MYO18A: variants seen among roughly 807,000 people sequenced by gnomAD.
MYO18A encodes unconventional myosin-XVIIIa.
MYO18A carries 78 observed loss-of-function variants against 235.8 expected under a neutral mutation model. That is an observed-to-expected ratio of 0.33 (90% CI 0.28 to 0.40). MYO18A has a LOEUF of 0.40. MYO18A is among the 10% of genes least tolerant of loss of function. MYO18A has a pLI of 1.00. For missense variants in MYO18A, 2,215 were observed against 2,699.3 expected (o/e 0.82, Z 3.98); for synonymous variants, 977 against 1,077.8 (o/e 0.91, Z 1.83).
intron 1 of MYO18A, among the ~76,000 whole-genome samples, chr17:29,175,045 T>C (rs911338954): frequency 1.3e-5 from 2 of 152,164 alleles, no homozygotes; most frequent in African/African-American, 4.8e-5. Context: ...GTAGGAAAAA[T>C]ATATGCTCTG....
At chr17:29,161,950 C>T (rs1473568012) in intron 2 of MYO18A, among the ~76,000 whole-genome samples, 1 of 152,206 alleles carries the variant, frequency 6.6e-6, no homozygotes, top group Non-Finnish European at 1.5e-5. Context: ...ATACAGATGC[C>T]CCCCAAGAAC....
chr17:29,167,039 CAGAG>C lies in MYO18A; in HGVS notation c.-81-22_-81-19del. ...CTTTGCTGCTGCAAACAGAAACACA[CAGAG>C]AGAAAGGTTATTCGAACAGAGCCTC... is the stretch of plus-strand genomic sequence containing the variant. On this transcript the variant is annotated intron_variant, in intron 1 of 41. Coordinates refer to ENST00000527372, the MANE Select transcript of MYO18A (RefSeq NM_078471.4). The C allele has an allele frequency of 7.0e-7, 1 of 1,437,336 alleles. No homozygotes were observed. Among genetic ancestry groups the C allele is most frequent in the Non-Finnish European group, 9.1e-7 (1 of 1,093,258 alleles). The allele number at this position is 1,437,336 out of a possible 1,614,324, so 89.0% of individuals were successfully genotyped here.
rs184803151 is a variant in MYO18A, at chr17:29,087,045, C to A, written c.5603G>T (p.Arg1868Leu). ...ERDQRIAAEN[R>L]EKEQNKRLQR... ...TAGCCGCTTGTTCTGTTCCTTCTCC[C>A]GGTTCTCGGCTGCAATGCGCTGATC... The change falls in exon 38 of 42, where the codon CGG (arginine) becomes CTG (leucine). Residue 1868 changes from arginine (R) to leucine (L), a missense_variant. By Grantham distance (102) the Arg-to-Leu change is moderately radical. Coordinates refer to ENST00000527372, the MANE Select transcript of MYO18A (RefSeq NM_078471.4). The A allele has an allele frequency of 6.8e-6, 11 of 1,613,902 alleles. No individual in the cohort carries two copies. Among genetic ancestry groups the A allele is most frequent in the Non-Finnish European group, 8.5e-6 (10 of 1,179,902 alleles).
chr17:29,093,899 G>A lies in MYO18A; in HGVS notation c.4821+81C>T. 4 of 978,652 alleles carry A rather than the reference G, an allele frequency of 4.1e-6. No individual in the cohort carries two copies. The South Asian group carries it at 6.1e-5, about 15-fold the overall frequency. 60.6% of individuals were successfully genotyped at this position (978,652 alleles called of 1,614,324 possible). On this transcript the variant is annotated intron_variant, in intron 31 of 41. Coordinates refer to ENST00000527372, the MANE Select transcript of MYO18A (RefSeq NM_078471.4). ...AATGGAAGACGATGTGGCTGAGGTA[G>A]GGAGGTGGAAAGCCCCTTACTTTAA... is the stretch of plus-strand genomic sequence containing the variant.
chr17:29,143,118 A>G (rs541772110), intron 2 of MYO18A, among the ~76,000 whole-genome samples: 135 of 151,848 alleles, frequency 8.9e-4, no homozygotes, highest in African/African-American at 3.0e-3. Flanking sequence ...TCTGTGCTTC[A>G]ATTTCTTCAT....
chr17:29,173,093 C>T (rs1030687232), intron 1 of MYO18A, among the ~76,000 whole-genome samples: 9 of 124,096 alleles, frequency 7.3e-5, no homozygotes, highest in Admixed American at 2.4e-4. Context: ...TGGTTTTTGC[C>T]GTTACTTTTT....
chr17:29,081,641 G>A (rs1343261796), intron 41 of MYO18A, among the ~76,000 whole-genome samples: 2 of 147,344 alleles, frequency 1.4e-5, no homozygotes, highest in Non-Finnish European at 3.0e-5. Flanking sequence ...TTTGTGGGGG[G>A]TGAGGGGGGA....
Position 29,121,757 on chromosome 17 carries a change from C to G in MYO18A, c.1195-34G>C. ...GAGGACAGGCGGGTGGGTATTAGAG[C>G]AGCAGAGCCCATCTCCGCTGCCAGA... On this transcript the variant is annotated intron_variant, in intron 4 of 41. Transcript: ENST00000527372. This position sits in a 1 kb window ranked among gnomAD's most constrained non-coding sequence, Gnocchi z 4.2. The G allele has an allele frequency of 6.3e-7, 1 of 1,586,776 alleles. No individual in the cohort carries two copies. The highest frequency in any genetic ancestry group is 8.6e-7 in the Non-Finnish European group (1 of 1,164,778).
At chr17:29,095,913 G>A (rs936083554) in intron 28 of MYO18A, among the ~76,000 whole-genome samples, 2 of 152,212 alleles carry the variant, frequency 1.3e-5, no homozygotes, top group African/African-American at 4.8e-5. Flanking sequence ...TCGAGCTAAG[G>A]GTGCCAGCCT....
rs2067167080 is a variant in MYO18A, at chr17:29,120,301, CGA to C, written c.1728+313_1728+314del. Among the ~76,000 whole-genome samples, 1 of 152,120 alleles carries C rather than the reference CGA, an allele frequency of 6.6e-6. No homozygotes were observed. Among genetic ancestry groups the C allele is most frequent in the African/African-American group, 2.4e-5 (1 of 41,404 alleles). Reference sequence around the variant, plus strand: ...AGTCCTCTGCTAGGTGAAATCGGCCCGAGAGAAGCCCCGAGCATGAATCTCAG... The same window carrying C: ...AGTCCTCTGCTAGGTGAAATCGGCCCGAGAAGCCCCGAGCATGAATCTCAG... On this transcript the variant is annotated intron_variant, in intron 7 of 41. Transcript: ENST00000527372. The surrounding 1 kb of genome is among the most constrained non-coding windows in gnomAD (Gnocchi z 4.2).
In MYO18A at chr17:29,121,228, A is replaced by T. The variant is rs745728921; in HGVS notation, c.1372-17T>A. 6.3e-7 allele frequency: 1 copy of T among 1,587,316 alleles called. No individual in the cohort carries two copies. Among genetic ancestry groups the T allele is most frequent in the Non-Finnish European group, 8.6e-7 (1 of 1,166,618 alleles). Reference sequence around the variant, plus strand: ...GTGCATCACCTTGGGCAGGAGAGCAAGGGAGAGAAGGGGTTGGCTCTTAGC... The same window carrying T: ...GTGCATCACCTTGGGCAGGAGAGCATGGGAGAGAAGGGGTTGGCTCTTAGC... On this transcript the variant is annotated splice_polypyrimidine_tract_variant and intron_variant, in intron 5 of 41. Coordinates refer to ENST00000527372, the MANE Select transcript of MYO18A (RefSeq NM_078471.4). The surrounding 1 kb of genome is among the most constrained non-coding windows in gnomAD (Gnocchi z 4.2).
Position 29,074,276 on chromosome 17 carries a change from G to T in MYO18A, c.*494C>A, listed in dbSNP as rs879327520. On this transcript the variant is annotated 3_prime_UTR_variant, in exon 42 of 42. Transcript: ENST00000527372. This position sits in a 1 kb window ranked among gnomAD's most constrained non-coding sequence, Gnocchi z 4.4. ...TCAGGGATGCAGCTGTGATGGAGAG[G>T]TTGGGTATTTAAATTAAAAAGTAGA... 12 of 1,324,670 alleles carry T rather than the reference G, an allele frequency of 9.1e-6. No individual in the cohort carries two copies. The highest frequency in any genetic ancestry group is 3.0e-5 in the African/African-American group (2 of 67,624). The allele number at this position is 1,324,670 out of a possible 1,614,324, so 82.1% of individuals were successfully genotyped here.
At position 29,098,222 on chromosome 17, in the gene MYO18A, G is replaced by A; in HGVS notation, c.3873C>T (p.Ile1291=). Residue 1291 remains isoleucine, a splice_region_variant and synonymous_variant, in exon 25 of 42, where the codon ATC becomes ATT. Coordinates refer to ENST00000527372, the MANE Select transcript of MYO18A (RefSeq NM_078471.4). The part of the protein sequence containing the change: ...RLNSDRLESR[I]SELTSELTDE... ...CTGTCAGCTCCGATGTCAGCTCTGAGATCTGGGGTTGGGGGTAGGGAGTCA... is the reference window on the plus strand; with the variant it reads ...CTGTCAGCTCCGATGTCAGCTCTGAAATCTGGGGTTGGGGGTAGGGAGTCA... 6.2e-7 allele frequency: 1 copy of A among 1,614,012 alleles called. No homozygotes were observed. The highest frequency in any genetic ancestry group is 1.3e-5 in the African/African-American group (1 of 75,068).
intron 28 of MYO18A, among the ~76,000 whole-genome samples, chr17:29,095,512 C>T (rs950964652): frequency 6.6e-6 from 1 of 152,254 alleles, no homozygotes; most frequent in Non-Finnish European, 1.5e-5. Flanking sequence ...TGCCTCTGGG[C>T]ACCAGCCTTT....
At chr17:29,085,482 G>A (rs2066230125) in intron 40 of MYO18A, 122 bp downstream of exon 40, 3 of 822,648 alleles carry the variant, frequency 3.6e-6, no homozygotes, top group Admixed American at 2.1e-5. Flanking sequence ...GACCAGTGAG[G>A]CGGGAGTGTG....
At chr17:29,135,561 T>G (rs2067578749) in intron 2 of MYO18A, among the ~76,000 whole-genome samples, 1 of 152,262 alleles carries the variant, frequency 6.6e-6, no homozygotes, top group Non-Finnish European at 1.5e-5. Context: ...GGTGTAATTT[T>G]AACTCGTTTG....
chr17:29,093,468 T>C, intron 31 of MYO18A, 41 bp from the exon 32 acceptor site: 4 of 1,514,408 alleles, frequency 2.6e-6, no homozygotes, highest in Non-Finnish European at 3.6e-6. Flanking sequence ...GTCCCTTTAG[T>C]GCCTGGTGCG....
At chr17:29,085,033 G>A (rs1174875835) in intron 40 of MYO18A, among the ~76,000 whole-genome samples, 1 of 152,210 alleles carries the variant, frequency 6.6e-6, no homozygotes, top group African/African-American at 2.4e-5. Context: ...ATCTGGCTGT[G>A]TTCCCTTCCC....
At chr17:29,100,841 C>T (rs1416136257) in intron 21 of MYO18A, among the ~76,000 whole-genome samples, 2 of 152,220 alleles carry the variant, frequency 1.3e-5, no homozygotes, top group Non-Finnish European at 2.9e-5. Context: ...CCTAAACTTT[C>T]TGCTGAGAAA....
Sources: allele counts gnomAD v4.1 joint callset (sites outside exome capture counted in the v4.1 genomes callset), GRCh38; gene constraint gnomAD v4.1.1; non-coding constraint Gnocchi (gnomAD v3.1); transcripts MANE v1.5; gene names NCBI Gene and HGNC (gene_info 2026-07-23, HGNC 2026-07-21).